CCDC171: variants seen among roughly 807,000 people sequenced by gnomAD.
The protein encoded by CCDC171 is coiled-coil domain containing 171.
In CCDC171, 177 loss-of-function variants were observed where a neutral mutation model predicts 168.2. That is an observed-to-expected ratio of 1.05 (90% CI 0.93 to 1.19). CCDC171 has a LOEUF of 1.19. Among genes scored for constraint, CCDC171 ranks in the 50% most tolerant of loss-of-function variants. CCDC171 has a pLI of 0.00. For missense variants in CCDC171, 1,991 were observed against 1,539.0 expected (o/e 1.29, Z -4.91); for synonymous variants, 687 against 540.8 (o/e 1.27, Z -3.75).
chr9:15,971,535 C>G, intron 25 of CCDC171, 74 bp from the exon 26 acceptor site: 1 of 885,414 alleles, frequency 1.1e-6, no homozygotes, highest in Non-Finnish European at 1.8e-6. Context: ...GTCTACTTGC[C>G]TGTTTATGGT....
chr9:15,571,710 A>T lies in CCDC171; in HGVS notation c.128A>T (p.His43Leu). ...DITDNLRKKL[H>L]WAKKEKLEIT... ...ACTGATAATCTCAGGAAGAAACTCC[A>T]TTGGGCTAAAAAAGAAAAGTTAGAA... is the stretch of plus-strand genomic sequence containing the variant. The change falls in exon 3 of 26, where the codon CAT becomes CTT. Residue 43 changes from histidine to leucine, a missense_variant. His to Leu is a moderately conservative substitution (Grantham distance 99). Coordinates refer to ENST00000380701, the MANE Select transcript of CCDC171 (RefSeq NM_173550.4). 6.3e-7 allele frequency: 1 copy of T among 1,590,766 alleles called. No individual in the cohort carries two copies. Among genetic ancestry groups the T allele is most frequent in the South Asian group, 1.2e-5 (1 of 85,410 alleles).
At chr9:15,907,819 A>G (rs890610705) in intron 24 of CCDC171, among the ~76,000 whole-genome samples, 3 of 152,358 alleles carry the variant, frequency 2.0e-5, no homozygotes, top group Non-Finnish European at 4.4e-5. Flanking sequence ...TAAGAAAAAA[A>G]CAACCCCATC....
chr9:16,030,858 A>G (rs1833354783), intron 6 of CCDC171, among the ~76,000 whole-genome samples: 1 of 152,202 alleles, frequency 6.6e-6, no homozygotes, highest in Admixed American at 6.5e-5. Context: ...TGGGGAACGC[A>G]GATATTTTTT....
chr9:15,684,386 T>C (rs2050240317), intron 10 of CCDC171, among the ~76,000 whole-genome samples: 1 of 152,080 alleles, frequency 6.6e-6, no homozygotes, highest in Non-Finnish European at 1.5e-5. Flanking sequence ...CTGTTTGTTT[T>C]TTCTATTATT....
intron 24 of CCDC171, among the ~76,000 whole-genome samples, chr9:15,906,292 A>G (rs898917429): frequency 1.1e-4 from 17 of 152,292 alleles, no homozygotes; most frequent in South Asian, 4.1e-4. Context: ...CTGGCAAACC[A>G]AATCCAGCAG....
intron 24 of CCDC171, among the ~76,000 whole-genome samples, chr9:15,888,505 C>T (rs964802292): frequency 1.3e-5 from 2 of 152,170 alleles, no homozygotes; most frequent in East Asian, 3.8e-4. Flanking sequence ...CCTTTATTTA[C>T]ACCATTTAAT....
At chr9:15,616,373 T>C (rs1475545856) in intron 6 of CCDC171, among the ~76,000 whole-genome samples, 1 of 152,156 alleles carries the variant, frequency 6.6e-6, no homozygotes, top group Non-Finnish European at 1.5e-5. Context: ...AGTGAGCCAC[T>C]ATGCCTGGCC....
intron 3 of CCDC171, chr9:16,020,497 A>AT (rs1302719489): frequency 1.3e-5 from 2 of 154,208 alleles, no homozygotes; most frequent in African/African-American, 2.4e-5. Flanking sequence ...ACAGCATATG[A>AT]TTTTTTTCTT....
intron 11 of CCDC171, among the ~76,000 whole-genome samples, chr9:15,719,386 T>C (rs1269957026): frequency 3.4e-5 from 1 of 29,204 alleles, no homozygotes; most frequent in Admixed American, 5.6e-4. Context: ...CCTTCAAGGC[T>C]GGCGGGGGGG....
chr9:15,703,904 A>G (rs1303383109), intron 11 of CCDC171, among the ~76,000 whole-genome samples: 1 of 152,240 alleles, frequency 6.6e-6, no homozygotes, highest in African/African-American at 2.4e-5. Context: ...CAAAACAATT[A>G]CAATAATAAC....
intron 25 of CCDC171, among the ~76,000 whole-genome samples, chr9:15,949,940 G>C (rs1033724151): frequency 6.6e-6 from 1 of 152,080 alleles, no homozygotes; most frequent in Non-Finnish European, 1.5e-5. Context: ...TTGGCTGTGG[G>C]TTTGTCATAG....
At chr9:16,089,746 AAAC>A in the CCDC171 span, among the ~76,000 whole-genome samples, 1 of 151,770 alleles carries the variant, frequency 6.6e-6, no homozygotes, top group Non-Finnish European at 1.5e-5. Flanking sequence ...AAGAAAAAAA[AAAC>A]CCATCAAAAA....
At chr9:15,708,927 T>C (rs1317799337) in intron 11 of CCDC171, among the ~76,000 whole-genome samples, 2 of 152,230 alleles carry the variant, frequency 1.3e-5, no homozygotes, top group African/African-American at 4.8e-5. Flanking sequence ...TACAGTCTTT[T>C]TTCAAACTTT....
intron 21 of CCDC171, among the ~76,000 whole-genome samples, chr9:15,839,648 C>T (rs576588576): frequency 6.6e-6 from 1 of 151,502 alleles, no homozygotes; most frequent in African/African-American, 2.4e-5. Context: ...TAATTTTCCC[C>T]CCTAGTGATT....
chr9:16,091,099 CTG>C, the CCDC171 span, among the ~76,000 whole-genome samples: 1 of 152,192 alleles, frequency 6.6e-6, no homozygotes, highest in Non-Finnish European at 1.5e-5. Context: ...GATTGTGTGA[CTG>C]TAAATCATTT....
intron 8 of CCDC171, among the ~76,000 whole-genome samples, chr9:15,664,588 A>ACACACACACACACACACT (rs1368494841): frequency 2.0e-5 from 3 of 150,096 alleles, no homozygotes; most frequent in African/African-American, 7.4e-5. Context: ...ACACACACAC[A>ACACACACACACACACACT]CTCACACGAG....
At chr9:16,067,924 T>C in the CCDC171 span, among the ~76,000 whole-genome samples, 1 of 152,270 alleles carries the variant, frequency 6.6e-6, no homozygotes, top group East Asian at 1.9e-4. Flanking sequence ...TCTTCTGGCT[T>C]AGGATTGACA....
chr9:15,784,615 T>G lies in CCDC171; in HGVS notation c.3188T>G (p.Leu1063Arg). Residue 1063 changes from leucine (L) to arginine (R), a missense_variant, in exon 21 of 26, where the codon CTA becomes CGA. Leu to Arg is a moderately radical substitution (Grantham distance 102). Coordinates refer to ENST00000380701, the MANE Select transcript of CCDC171 (RefSeq NM_173550.4). ...CTATTGAATGAACAGGCACAACAACTACAGGAATTGAATTATAAACTTGAA... is the reference window on the plus strand; with the variant it reads ...CTATTGAATGAACAGGCACAACAACGACAGGAATTGAATTATAAACTTGAA... The part of the protein sequence containing the change: ...QMLLNEQAQQ[L>R]QELNYKLELH... 6.2e-7 allele frequency: 1 copy of G among 1,613,374 alleles called. No individual in the cohort carries two copies. Among genetic ancestry groups the G allele is most frequent in the Non-Finnish European group, 8.5e-7 (1 of 1,179,476 alleles).
chr9:15,901,759 G>C (rs1050395774), intron 24 of CCDC171, among the ~76,000 whole-genome samples: 2 of 152,102 alleles, frequency 1.3e-5, no homozygotes, highest in African/African-American at 4.8e-5. Context: ...AAGAGTGGAA[G>C]GCTTTTGCAA....
Sources: allele counts gnomAD v4.1 joint callset (sites outside exome capture counted in the v4.1 genomes callset), GRCh38; gene constraint gnomAD v4.1.1; transcripts MANE v1.5; gene names NCBI Gene and HGNC (gene_info 2026-07-23, HGNC 2026-07-21).